Variants in MCM3 observed in about 807,000 individuals in gnomAD.
MCM3 encodes the protein DNA replication licensing factor MCM3.
In MCM3, 59 loss-of-function variants were observed where a neutral mutation model predicts 91.3. The ratio of observed to expected loss-of-function variants is 0.65; its 90% CI spans 0.52 to 0.80. The LOEUF (loss-of-function observed/expected upper bound fraction) is 0.80. MCM3 is among the 30% of genes least tolerant of loss of function. MCM3 has a pLI of 0.00. For synonymous variants in MCM3, 383 were observed against 379.6 expected (o/e 1.01, Z -0.10); for missense variants, 919 against 1,035.4 (o/e 0.89, Z 1.54).
chr6:52,265,666 C>T (rs763132510), intron 16 of MCM3, among the ~76,000 whole-genome samples: 2 of 151,214 alleles, frequency 1.3e-5, no homozygotes, highest in East Asian at 1.9e-4. Flanking sequence ...GTCCAGTAAA[C>T]AAAATTCATA....
chr6:52,268,057 G>A (rs1215573751), intron 13 of MCM3, 89 bp from the exon 14 acceptor site: 5 of 1,588,116 alleles, frequency 3.1e-6, no homozygotes, highest in Non-Finnish European at 3.4e-6. Context: ...TGCATCATAA[G>A]CAGGAAAGAC....
At position 52,272,346 on chromosome 6, in the gene MCM3, ATACTC is replaced by A; in HGVS notation, c.1777_1781del (p.Glu593PhefsTer8). 6.2e-7 allele frequency: 1 copy of A among 1,614,156 alleles called. No homozygotes were observed. The highest frequency in any genetic ancestry group is 1.3e-5 in the African/African-American group (1 of 75,030). On this transcript the variant is annotated frameshift_variant, in exon 12 of 17. Transcript: ENST00000596288. LOFTEE classifies it high-confidence loss of function. ...TGCTATCCTGGCTGCGCAGGCGTGA[ATACTC>A]TTCTGCAATGTAGGTGGCCGACTCC...
intron 12 of MCM3, among the ~76,000 whole-genome samples, chr6:52,271,336 C>T (rs1765114627): frequency 6.6e-6 from 1 of 151,954 alleles, no homozygotes; most frequent in Non-Finnish European, 1.5e-5. Context: ...AACTACACTG[C>T]CCCTAAAAGA....
rs762095481 is a variant in MCM3 at position 52,267,901 on chromosome 6, T to C, written c.2036A>G (p.Glu679Gly). 1.4e-6 allele frequency: 2 copies of C among 1,428,900 alleles called. No individual in the cohort carries two copies. Among genetic ancestry groups the C allele is most frequent in the East Asian group, 2.3e-5 (1 of 43,598 alleles). The allele number at this position is 1,428,900 out of a possible 1,614,324, so 88.5% of individuals were successfully genotyped here. A position where few individuals can be genotyped will look rare whatever the true frequency, so the allele number is the denominator to read the frequency against. Residue 679 changes from glutamate to glycine, a missense_variant, in exon 14 of 17, where the codon GAG becomes GGG. Coordinates refer to ENST00000596288, the MANE Select transcript of MCM3 (RefSeq NM_002388.6). ...EDESETEDEEEKSQEDQEQKR... is the reference protein window; with the variant it reads ...EDESETEDEEGKSQEDQEQKR... ...CTGCTCCTGGTCCTCTTGGCTTTTCTCCTCTTCATCTTCTGTCTCTGATTC... is the reference window on the plus strand; with the variant it reads ...CTGCTCCTGGTCCTCTTGGCTTTTCCCCTCTTCATCTTCTGTCTCTGATTC...
rs2128281413 is a variant in MCM3 at position 52,277,528 on chromosome 6, A to G, written c.1033+7T>C. On this transcript the variant is annotated splice_region_variant and intron_variant, in intron 7 of 16. Transcript: ENST00000596288. ...CAACAGTCTAAAGCAAATCCCCAAC[A>G]TCGTACCTATTAGAAGAATATTGAT... is the stretch of plus-strand genomic sequence containing the variant. The G allele has an allele frequency of 1.2e-6, 2 of 1,610,866 alleles. No individual in the cohort carries two copies. Among genetic ancestry groups the G allele is most frequent in the South Asian group, 2.2e-5 (2 of 90,532 alleles).
intron 12 of MCM3, 54 bp downstream of exon 12, chr6:52,272,247 C>G: frequency 6.5e-7 from 1 of 1,549,762 alleles, no homozygotes; most frequent in South Asian, 1.2e-5. Context: ...GCAGGGACTC[C>G]TGCCCAGCCA....
At position 52,277,591 on chromosome 6, in the gene MCM3, T is replaced by C. The variant is rs762133222; in HGVS notation, c.977A>G (p.Glu326Gly). 2 of 1,614,084 alleles carry C rather than the reference T, an allele frequency of 1.2e-6. No individual in the cohort carries two copies. The highest frequency in any genetic ancestry group is 1.7e-6 in the Non-Finnish European group (2 of 1,180,010). The change falls in exon 7 of 17, where the codon GAA (glutamate) becomes GGA (glycine). Residue 326 changes from glutamate to glycine, a missense_variant. Coordinates refer to ENST00000596288, the MANE Select transcript of MCM3 (RefSeq NM_002388.6). ...AILCLLLGGV[E>G]RDLENGSHIR... ...GTGGCTGCCATTTTCTAGGTCTCGT[T>C]CCACCCCTCCCAAGAGCAAGCAGAG... is the stretch of plus-strand genomic sequence containing the variant.
chr6:52,268,105 C>T (rs1764794206), intron 13 of MCM3, 137 bp from the exon 14 acceptor site: 2 of 1,198,780 alleles, frequency 1.7e-6, no homozygotes, highest in African/African-American at 3.0e-5. Context: ...TCCTCTTGTC[C>T]CTAAGTCCCA....
At position 52,266,092 on chromosome 6, in the gene MCM3, C is replaced by A; in HGVS notation, c.2211G>T (p.Val737=). 6.2e-7 allele frequency: 1 copy of A among 1,614,102 alleles called. No individual in the cohort carries two copies. The highest frequency in any genetic ancestry group is 2.2e-5 in the East Asian group (1 of 44,882). Residue 737 remains valine (V), a synonymous_variant, in exon 16 of 17, where the codon GTG becomes GTT. Coordinates refer to ENST00000596288, the MANE Select transcript of MCM3 (RefSeq NM_002388.6). The part of the protein sequence containing the change: ...DSQETKESQK[V]ELSESRLKAF... ...GTACTCACCTGGATTCACTCAACTC[C>A]ACTTTCTGGGATTCCTTGGTCTCCT...
chr6:52,282,177 T>C lies in MCM3; in HGVS notation c.401-2A>G, dbSNP rs753675968. On this transcript the variant is annotated splice_acceptor_variant, in intron 3 of 16. Transcript: ENST00000596288. LOFTEE classifies it high-confidence loss of function. ...CGACTTTGGGACGAACTAGAGAACC[T>C]AGGGATGGAAAATGTGCATATATAA... The C allele has an allele frequency of 1.2e-6, 2 of 1,613,998 alleles. No homozygotes were observed. Among genetic ancestry groups the C allele is most frequent in the Admixed American group, 1.7e-5 (1 of 60,000 alleles).
intron 2 of MCM3, 41 bp downstream of exon 2, chr6:52,283,253 G>T (rs1766301687): frequency 6.6e-7 from 1 of 1,520,640 alleles, no homozygotes; most frequent in Non-Finnish European, 9.1e-7. Flanking sequence ...AGGGAAGGGA[G>T]CCATTCTCAC....
rs750705809 is a variant in MCM3, at chr6:52,276,354, G to A, written c.1288C>T (p.Arg430Ter). Residue 430 changes from arginine to a stop codon, truncating the protein, a stop_gained, in exon 9 of 17, where the codon CGA (arginine) becomes TGA (stop). Transcript: ENST00000596288. LOFTEE classifies it high-confidence loss of function. ...ATGCCAGCCTTGGCAATGGTCACTC[G>A]ACCCTGCTCCATCACTTCATGGATG... Reference protein sequence around the residue: ...TAIHEVMEQGRVTIAKAGIHA... With the variant: ...TAIHEVMEQG 8 of 1,613,844 alleles carry A rather than the reference G, an allele frequency of 5.0e-6. No homozygotes were observed. Among genetic ancestry groups the A allele is most frequent in the Non-Finnish European group, 3.4e-6 (4 of 1,180,032 alleles).
At chr6:52,270,790 G>C (rs1368338034) in intron 12 of MCM3, among the ~76,000 whole-genome samples, 1 of 152,194 alleles carries the variant, frequency 6.6e-6, no homozygotes, top group Non-Finnish European at 1.5e-5. Context: ...GTTTAATGAG[G>C]AAGACAGGCG....
intron 3 of MCM3, 73 bp downstream of exon 3, chr6:52,282,580 C>T: frequency 7.0e-7 from 1 of 1,432,382 alleles, no homozygotes; most frequent in Non-Finnish European, 9.8e-7. Flanking sequence ...CTACCCAGAT[C>T]TACTTTGCCT....
intron 4 of MCM3, among the ~76,000 whole-genome samples, chr6:52,280,978 C>A (rs9367478): frequency 0.061 from 9,221 of 152,240 alleles, 575 homozygotes; most frequent in East Asian, 0.3. Flanking sequence ...ATGACGAGGA[C>A]TGGGTCTTAT....
Position 52,272,461 on chromosome 6 carries a change from C to T in MCM3, c.1677-10G>A, listed in dbSNP as rs1490905544. On this transcript the variant is annotated splice_polypyrimidine_tract_variant and intron_variant, in intron 11 of 16. Coordinates refer to ENST00000596288, the MANE Select transcript of MCM3 (RefSeq NM_002388.6). ...ACTCACCATCTTCTCCCTGGAGCCA[C>T]ACACAGTGAATTCCATCTCCCTGCC... 1 of 1,613,970 alleles carries T rather than the reference C, an allele frequency of 6.2e-7. No homozygotes were observed. The highest frequency in any genetic ancestry group is 1.3e-5 in the African/African-American group (1 of 75,052).
chr6:52,267,089 G>A (rs917236940), intron 14 of MCM3, among the ~76,000 whole-genome samples: 4 of 103,096 alleles, frequency 3.9e-5, no homozygotes, highest in Non-Finnish European at 8.7e-5. Flanking sequence ...TTTACCCAGG[G>A]TATCTTCTTT....
chr6:52,266,057 A>C lies in MCM3; in HGVS notation c.2228+18T>G, dbSNP rs1253576107. ...TACACAGAATTCTTGAAGGGGCAGG[A>C]GCAACATCCGTACTCACCTGGATTC... On this transcript the variant is annotated intron_variant, in intron 16 of 16. Transcript: ENST00000596288. 6.2e-7 allele frequency: 1 copy of C among 1,611,466 alleles called. No individual in the cohort carries two copies.
At chr6:52,266,541 G>A (rs2128274244) in intron 15 of MCM3, 70 bp downstream of exon 15, 5 of 1,375,196 alleles carry the variant, frequency 3.6e-6, no homozygotes, top group Non-Finnish European at 3.1e-6. Flanking sequence ...AAAATAAAGT[G>A]CACAGAGCAA....
Sources: allele counts gnomAD v4.1 joint callset (sites outside exome capture counted in the v4.1 genomes callset), GRCh38; gene constraint gnomAD v4.1.1; transcripts MANE v1.5; gene names NCBI Gene and HGNC (gene_info 2026-07-23, HGNC 2026-07-21).